Variants in CARMIL3 observed in about 807,000 individuals in gnomAD.
CARMIL3 encodes the protein capping protein regulator and myosin 1 linker 3, also known as capping protein, Arp2/3 and myosin-I linker protein 3.
In CARMIL3, 88 loss-of-function variants were observed where a neutral mutation model predicts 180.8. The observed-to-expected ratio is 0.49, with a 90% CI of 0.41 to 0.58. CARMIL3 has a LOEUF of 0.58. Ranked by LOEUF, CARMIL3 falls within the 20% of genes least tolerant of loss-of-function variation. The pLI is 0.00. For synonymous variants in CARMIL3, 696 were observed against 714.5 expected (o/e 0.97, Z 0.41); for missense variants, 1,548 against 1,787.0 (o/e 0.87, Z 2.41).
At chr14:24,065,384 G>A (rs922667269) in intron 33 of CARMIL3, 111 bp downstream of exon 33, 7 of 1,173,882 alleles carry the variant, frequency 6.0e-6, no homozygotes, top group African/African-American at 1.6e-5. Context: ...AGGGTTCTTG[G>A]GAACATTGGT....
At chr14:24,055,434 C>T (rs2035662475) in intron 8 of CARMIL3, 109 bp from the exon 9 acceptor site, 6 of 1,482,528 alleles carry the variant, frequency 4.0e-6, no homozygotes, top group Non-Finnish European at 5.6e-6. Context: ...ATCCCATCCC[C>T]ATCTACCCAT....
chr14:24,067,465 G>C (rs1427022638), intron 36 of CARMIL3, among the ~76,000 whole-genome samples: 1 of 152,242 alleles, frequency 6.6e-6, no homozygotes, highest in Non-Finnish European at 1.5e-5. Flanking sequence ...AGGGCGTAAG[G>C]GCTGGAAAGA....
At chr14:24,052,889 C>T (rs1484210565) in intron 1 of CARMIL3, among the ~76,000 whole-genome samples, 1 of 152,224 alleles carries the variant, frequency 6.6e-6, no homozygotes, top group African/African-American at 2.4e-5. Flanking sequence ...TGCCACAACC[C>T]TGACCCCCAG....
Position 24,058,886 on chromosome 14 carries a change from C to A in CARMIL3, c.1475-4C>A. On this transcript the variant is annotated splice_region_variant and splice_polypyrimidine_tract_variant and intron_variant, in intron 18 of 39. Coordinates refer to ENST00000342740, the MANE Select transcript of CARMIL3 (RefSeq NM_138360.4). The surrounding 1 kb of genome is among the most constrained non-coding windows in gnomAD (Gnocchi z 6.4). ...AGGCCAGGCCTCTCCCATCTGCTCA[C>A]CAGGGTTCGACTCGGACCTCCTGAC... 1 of 1,614,216 alleles carries A rather than the reference C, an allele frequency of 6.2e-7. No individual in the cohort carries two copies. The highest frequency in any genetic ancestry group is 8.5e-7 in the Non-Finnish European group (1 of 1,180,032).
Position 24,061,511 on chromosome 14 carries a change from C to T in CARMIL3, c.2319C>T (p.Ser773=), listed in dbSNP as rs1017779439. Residue 773 remains serine (S), a synonymous_variant, in exon 27 of 40, where the codon TCC becomes TCT. Coordinates refer to ENST00000342740, the MANE Select transcript of CARMIL3 (RefSeq NM_138360.4). This position sits in a 1 kb window ranked among gnomAD's most constrained non-coding sequence, Gnocchi z 4.1. ...VDKELQVILE[S]MVSLTQELCP... is the part of the protein sequence containing the mutation. ...CCCCATACTAGGTGATCCTGGAGTC[C>T]ATGGTCAGCCTGACACAGGAGTTAT... 6.2e-7 allele frequency: 1 copy of T among 1,613,220 alleles called. No individual in the cohort carries two copies. Among genetic ancestry groups the T allele is most frequent in the African/African-American group, 1.3e-5 (1 of 74,920 alleles).
At chr14:24,062,601 G>A (rs1465898687) in intron 28 of CARMIL3, 34 bp downstream of exon 28, 2 of 1,613,512 alleles carry the variant, frequency 1.2e-6, no homozygotes, top group East Asian at 4.5e-5. Flanking sequence ...CCTGGCTCGG[G>A]CACGCCCTCC....
chr14:24,064,592 G>A (rs1006046958), intron 32 of CARMIL3, among the ~76,000 whole-genome samples: 7 of 152,146 alleles, frequency 4.6e-5, no homozygotes, highest in Admixed American at 4.6e-4. Context: ...GAGAGCAGGT[G>A]TGGATGAGAG....
chr14:24,060,283 C>CAT (rs757395335), intron 24 of CARMIL3, 28 bp downstream of exon 24: 32 of 1,609,688 alleles, frequency 2.0e-5, no homozygotes, highest in Non-Finnish European at 2.7e-5. Context: ...GGACACGGGG[C>CAT]ATACCCGGGG....
Position 24,062,461 on chromosome 14 carries a change from G to A in CARMIL3, c.2481-19G>A. The A allele has an allele frequency of 3.1e-6, 5 of 1,610,938 alleles. No individual in the cohort carries two copies. Among genetic ancestry groups the A allele is most frequent in the Non-Finnish European group, 4.2e-6 (5 of 1,177,038 alleles). On this transcript the variant is annotated intron_variant, in intron 27 of 39. Coordinates refer to ENST00000342740, the MANE Select transcript of CARMIL3 (RefSeq NM_138360.4). ...GACTGAGGTGCTAATGTTCTGAGTA[G>A]CCCCACCTGTGCCCACAGTGAAGTG...
In CARMIL3 at chr14:24,062,721, A is replaced by C. The variant is rs1206283075; in HGVS notation, c.2581A>C (p.Thr861Pro). 8 of 1,609,896 alleles carry C rather than the reference A, an allele frequency of 5.0e-6. No homozygotes were observed. Among genetic ancestry groups the C allele is most frequent in the Non-Finnish European group, 6.8e-6 (8 of 1,177,690 alleles). Residue 861 changes from threonine (T) to proline (P), a missense_variant, in exon 29 of 40, where the codon ACC becomes CCC. Physicochemically the swap from Thr to Pro is conservative, Grantham distance 38. This residue lies in a region of CARMIL3 where 668 missense variants were observed against 687.8 expected (regional missense o/e 0.97). Coordinates refer to ENST00000342740, the MANE Select transcript of CARMIL3 (RefSeq NM_138360.4). ...HSHKSLARHL[T>P]QLRTLSDPPG... ...TGCCCTTCCCCAGGCCCGGCACCTG[A>C]CCCAGCTAAGGACGCTGTCAGATCC...
intron 36 of CARMIL3, 108 bp from the exon 37 acceptor site, chr14:24,068,476 T>G (rs987912919): frequency 4.5e-6 from 4 of 892,544 alleles, no homozygotes; most frequent in Non-Finnish European, 6.8e-6. Context: ...CAAGTGGGCT[T>G]GGAGGGAGAA....
In CARMIL3 at chr14:24,059,291, G is replaced by A; in HGVS notation, c.1648G>A (p.Ala550Thr). ...ACAGTCCCTGCAGTCACTGTCGGTGGCAGACTCCCGGCTGAAGCTTCGCAC... is the reference window on the plus strand; with the variant it reads ...ACAGTCCCTGCAGTCACTGTCGGTGACAGACTCCCGGCTGAAGCTTCGCAC... ...EDCSLQSLSV[A>T]DSRLKLRTSI... The change falls in exon 21 of 40, where the codon GCA (alanine) becomes ACA (threonine). Residue 550 changes from alanine (A) to threonine (T), a missense_variant. This residue lies in a region of CARMIL3 where 297 missense variants were observed against 415.9 expected (regional missense o/e 0.71). Coordinates refer to ENST00000342740, the MANE Select transcript of CARMIL3 (RefSeq NM_138360.4). The surrounding 1 kb of genome is among the most constrained non-coding windows in gnomAD (Gnocchi z 6.3). The A allele has an allele frequency of 1.9e-6, 3 of 1,613,948 alleles. No homozygotes were observed. The highest frequency in any genetic ancestry group is 2.5e-6 in the Non-Finnish European group (3 of 1,180,012).
Position 24,059,859 on chromosome 14 carries a change from TG to T in CARMIL3, c.1869-109del. The T allele has an allele frequency of 6.5e-7, 1 of 1,530,328 alleles. No individual in the cohort carries two copies. Among genetic ancestry groups the T allele is most frequent in the Non-Finnish European group, 9.0e-7 (1 of 1,106,390 alleles). 94.8% of individuals were successfully genotyped at this position (1,530,328 alleles called of 1,614,324 possible). A position where few individuals can be genotyped will look rare whatever the true frequency, so the allele number is the denominator to read the frequency against. On this transcript the variant is annotated intron_variant, in intron 22 of 39. Transcript: ENST00000342740. The surrounding 1 kb of genome is among the most constrained non-coding windows in gnomAD (Gnocchi z 6.3). ...TGCACAGAAATTTTAGGAAGGGCCA[TG>T]GAAGACAGAAATGATGAGCAAGGGG...
At chr14:24,063,660 C>A in intron 31 of CARMIL3, 127 bp downstream of exon 31, 1 of 879,370 alleles carries the variant, frequency 1.1e-6, no homozygotes, top group Non-Finnish European at 1.7e-6. Flanking sequence ...CCAGGCATGC[C>A]AATGAACAGA....
Position 24,064,329 on chromosome 14 carries a change from C to G in CARMIL3, c.3063C>G (p.Val1021=). ...EGLEDFFSRR[V]LEESSSYPRT... ...TGGAGGACTTCTTCAGCCGAAGGGT[C>G]CTGGAGGAAAGTTCTAGGTGTGATG... is the stretch of plus-strand genomic sequence containing the variant. The change falls in exon 32 of 40, where the codon GTC becomes GTG. Residue 1021 remains valine, a synonymous_variant. Transcript: ENST00000342740. 1.2e-6 allele frequency: 2 copies of G among 1,611,460 alleles called. No individual in the cohort carries two copies. The highest frequency in any genetic ancestry group is 1.7e-6 in the Non-Finnish European group (2 of 1,178,740).
At chr14:24,064,110 A>T (rs2035760798) in intron 31 of CARMIL3, 136 bp from the exon 32 acceptor site, 1 of 464,826 alleles carries the variant, frequency 2.2e-6, no homozygotes, top group South Asian at 2.4e-5. Context: ...AAAAAAAAAA[A>T]AGAAAAAGAA....
Position 24,058,141 on chromosome 14 carries a change from CCTCCCTCCCACAGGG to C in CARMIL3, c.1323-12_1325del. The C allele has an allele frequency of 6.2e-7, 1 of 1,613,798 alleles. No homozygotes were observed. Among genetic ancestry groups the C allele is most frequent in the Non-Finnish European group, 8.5e-7 (1 of 1,179,990 alleles). On this transcript the variant is annotated splice_acceptor_variant and splice_polypyrimidine_tract_variant and coding_sequence_variant and intron_variant, in exon 17 of 40. Transcript: ENST00000342740. LOFTEE classifies it high-confidence loss of function. This position sits in a 1 kb window ranked among gnomAD's most constrained non-coding sequence, Gnocchi z 6.4. ...GAAGAGGTAAAGGAGGGCCTGCTGA[CCTCCCTCCCACAGGG>C]CGCTGCTTCAGGGCCTCTCCCTCAA...
intron 36 of CARMIL3, 43 bp downstream of exon 36, chr14:24,066,699 G>C (rs1387401832): frequency 6.3e-7 from 1 of 1,597,460 alleles, no homozygotes; most frequent in Non-Finnish European, 8.6e-7. Context: ...GAAAGCCCAG[G>C]GTGTGTCCAA....
Position 24,062,500 on chromosome 14 carries a change from T to C in CARMIL3, c.2501T>C (p.Val834Ala). The C allele has an allele frequency of 6.2e-7, 1 of 1,614,162 alleles. No individual in the cohort carries two copies. The highest frequency in any genetic ancestry group is 8.5e-7 in the Non-Finnish European group (1 of 1,180,024). ...NKLDEVKLSV[V>A]TYLTSSIVDE... ...CACAGTGAAGTGAAGCTCTCAGTCG[T>C]CACCTACCTAACCAGCTCCATAGTG... Residue 834 changes from valine to alanine, a missense_variant, in exon 28 of 40, where the codon GTC becomes GCC. Physicochemically the swap from Val to Ala is moderately conservative, Grantham distance 64 (BLOSUM62 0). This residue lies in a region of CARMIL3 where 297 missense variants were observed against 415.9 expected (regional missense o/e 0.71). Coordinates refer to ENST00000342740, the MANE Select transcript of CARMIL3 (RefSeq NM_138360.4).
Sources: gnomAD v4.1 joint callset for allele counts (sites outside exome capture counted in the v4.1 genomes callset) on GRCh38, gnomAD v4.1.1 for gene constraint, gnomAD v4.1.1 regional missense constraint, Gnocchi (gnomAD v3.1) non-coding constraint, MANE v1.5 for transcripts, NCBI Gene and HGNC (gene_info 2026-07-23, HGNC 2026-07-21) for gene names.